Variants in TLK1 observed in about 807,000 individuals in gnomAD.
TLK1 encodes tousled like kinase 1.
Under a neutral mutation model 105.3 loss-of-function variants are expected in TLK1, and 24 were observed. That is an observed-to-expected ratio of 0.23 (90% CI 0.17 to 0.32). TLK1 has a LOEUF of 0.32. Ranked by LOEUF, TLK1 falls within the 10% of genes least tolerant of loss-of-function variation. The pLI is 1.00. For synonymous variants in TLK1, 321 were observed against 310.4 expected, an observed-to-expected ratio of 1.03 and a Z score of -0.36; for missense variants, 558 against 910.5, an observed-to-expected ratio of 0.61 and a Z score of 4.98.
rs1043986937 is a variant in TLK1, at chr2:171,160,130, A to G, written c.139+160T>C. On this transcript the variant is annotated intron_variant, in intron 1 of 20. Transcript: ENST00000431350. The surrounding 1 kb of genome is among the most constrained non-coding windows in gnomAD (Gnocchi z 4.4). Reference sequence around the variant, plus strand: ...TCCACAGCCAGGGCACTACCTCCCCAGAGCCGGGGAGCCGGGCGGCCTCGC... The same window carrying G: ...TCCACAGCCAGGGCACTACCTCCCCGGAGCCGGGGAGCCGGGCGGCCTCGC... 7.4e-5 allele frequency among the ~76,000 whole-genome samples: 11 copies of G among 149,226 alleles called. No homozygotes were observed. The highest frequency in any genetic ancestry group is 2.7e-4 in the African/African-American group (11 of 40,624).
intron 1 of TLK1, among the ~76,000 whole-genome samples, chr2:171,141,076 A>T (rs1691553645): frequency 6.6e-6 from 1 of 152,230 alleles, no homozygotes; most frequent in Non-Finnish European, 1.5e-5. Flanking sequence ...ACAGGAATAA[A>T]AAGATAAAAC....
At chr2:171,187,685 G>A (rs1193516556) in intron 1 of TLK1, among the ~76,000 whole-genome samples, 2 of 152,110 alleles carry the variant, frequency 1.3e-5, no homozygotes, top group Non-Finnish European at 2.9e-5. Flanking sequence ...CCATTCCCTA[G>A]ATCCATTACT....
chr2:171,176,414 TA>T (rs1280091102), intron 1 of TLK1, among the ~76,000 whole-genome samples: 2 of 152,200 alleles, frequency 1.3e-5, no homozygotes, highest in Non-Finnish European at 2.9e-5. Context: ...TTGGGCTGTC[TA>T]ATAACTCACA....
At chr2:171,122,048 G>C (rs1306407678) in intron 1 of TLK1, among the ~76,000 whole-genome samples, 1 of 152,196 alleles carries the variant, frequency 6.6e-6, no homozygotes, top group African/African-American at 2.4e-5. Flanking sequence ...CTGGGTTCAA[G>C]CGATTCTCCT....
chr2:171,068,072 A>G (rs1688092709), intron 3 of TLK1, among the ~76,000 whole-genome samples: 2 of 152,184 alleles, frequency 1.3e-5, no homozygotes, highest in African/African-American at 2.4e-5. Flanking sequence ...CAAGCCTGTA[A>G]TTCTAGCACT....
intron 10 of TLK1, among the ~76,000 whole-genome samples, chr2:171,048,480 C>T (rs1687065060): frequency 6.6e-6 from 1 of 152,148 alleles, no homozygotes; most frequent in South Asian, 2.1e-4. Flanking sequence ...CTGGATACCC[C>T]TCCATCTTAA....
upstream of TLK1, among the ~76,000 whole-genome samples, chr2:171,164,469 C>T (rs1575642979): frequency 2.0e-5 from 3 of 152,190 alleles, no homozygotes; most frequent in East Asian, 3.9e-4. Flanking sequence ...GCCTGGGCGA[C>T]ATGATGAGAC....
chr2:171,052,659 G>A (rs1252105325), intron 8 of TLK1, among the ~76,000 whole-genome samples: 2 of 152,166 alleles, frequency 1.3e-5, no homozygotes, highest in Non-Finnish European at 2.9e-5. Context: ...GAAATAATAT[G>A]TTGTGAAGAA....
chr2:171,195,513 A>C (rs537880188), intron 1 of TLK1, among the ~76,000 whole-genome samples: 1 of 151,846 alleles, frequency 6.6e-6, no homozygotes, highest in East Asian at 1.9e-4. Flanking sequence ...AAAAAAAAAA[A>C]AAAAAAAAAC....
At position 171,227,568 on chromosome 2, in the gene TLK1, C is replaced by CTTTTTTTTTTTTTTTT. The variant is rs71401413; in HGVS notation, c.-6+3561_-6+3576dup. ...AGTTAGTCATGAGTTAGTAAATCTCCTTTTTTTTTTTTTTTTTTTTTTTTT... is the reference window on the plus strand; with the variant it reads ...AGTTAGTCATGAGTTAGTAAATCTCCTTTTTTTTTTTTTTTTTTTTTTTTTTTTTTTTTTTTTTTTT... On this transcript the variant is annotated intron_variant, in intron 1 of 20. Transcript: ENST00000521943. 1.1e-3 allele frequency among the ~76,000 whole-genome samples: 59 copies of CTTTTTTTTTTTTTTTT among 55,522 alleles called. 3 individuals carry two copies. The highest frequency in any genetic ancestry group is 1.5e-3 in the Non-Finnish European group (46 of 30,292). 36.4% of individuals were successfully genotyped at this position (55,522 alleles called of 152,430 possible).
intron 1 of TLK1, among the ~76,000 whole-genome samples, chr2:171,156,088 C>CA (rs1421839479): frequency 6.6e-6 from 1 of 151,906 alleles, no homozygotes; most frequent in Non-Finnish European, 1.5e-5. Flanking sequence ...ACTTAAAAAA[C>CA]AAAAAACAAA....
intron 1 of TLK1, among the ~76,000 whole-genome samples, chr2:171,176,338 G>C (rs1331751618): frequency 6.6e-6 from 1 of 152,170 alleles, no homozygotes; most frequent in African/African-American, 2.4e-5. Context: ...ATGCAGATTA[G>C]TTCAGAATAC....
intron 20 of TLK1, chr2:170,994,772 T>A: frequency 8.3e-6 from 4 of 484,420 alleles, no homozygotes; most frequent in Non-Finnish European, 1.2e-5. Context: ...GTTTGAATTT[T>A]ATATAAATAG....
At chr2:171,194,962 T>C (rs1402322382) in intron 1 of TLK1, among the ~76,000 whole-genome samples, 1 of 152,198 alleles carries the variant, frequency 6.6e-6, no homozygotes, top group African/African-American at 2.4e-5. Flanking sequence ...GCTCTGCTCA[T>C]TCACTGCTCC....
chr2:170,996,827 GT>G (rs1684087098), intron 19 of TLK1, 67 bp from the exon 20 acceptor site: 1 of 1,366,954 alleles, frequency 7.3e-7, no homozygotes, highest in Non-Finnish European at 9.9e-7. Context: ...TATCATTTCT[GT>G]TTAAGCGAAT....
At chr2:171,121,638 T>C (rs551741517) in intron 1 of TLK1, among the ~76,000 whole-genome samples, 9 of 152,310 alleles carry the variant, frequency 5.9e-5, no homozygotes, top group South Asian at 4.1e-4. Context: ...AAACAACAGA[T>C]TGGAAGAAAA....
At chr2:171,035,624 T>C (rs144519125) in intron 11 of TLK1, among the ~76,000 whole-genome samples, 2 of 152,256 alleles carry the variant, frequency 1.3e-5, no homozygotes, top group Non-Finnish European at 2.9e-5. Flanking sequence ...CCTTGAGACA[T>C]GTCAATGTAT....
At chr2:171,034,780 A>T (rs929367864) in intron 11 of TLK1, among the ~76,000 whole-genome samples, 7 of 152,230 alleles carry the variant, frequency 4.6e-5, no homozygotes, top group African/African-American at 7.2e-5. Context: ...AGGAAAAAAA[A>T]TAGGTGATTG....
intron 12 of TLK1, among the ~76,000 whole-genome samples, chr2:171,017,097 A>T (rs1000424266): frequency 3.7e-4 from 57 of 152,184 alleles, no homozygotes; most frequent in Non-Finnish European, 1.0e-4. Context: ...TAAAAACAGG[A>T]AGTAAATTTT....
Sources: allele counts gnomAD v4.1 joint callset (sites outside exome capture counted in the v4.1 genomes callset), GRCh38; gene constraint gnomAD v4.1.1; non-coding constraint Gnocchi (gnomAD v3.1); transcripts MANE v1.5; gene names NCBI Gene and HGNC (gene_info 2026-07-23, HGNC 2026-07-21).